Variants in ZFAND3 observed in about 807,000 individuals in gnomAD.
The protein encoded by ZFAND3 is zinc finger AN1-type containing 3, also known as AN1-type zinc finger protein 3.
A neutral mutation model predicts 29.6 loss-of-function variants in ZFAND3; 10 were observed. The ratio of observed to expected loss-of-function variants is 0.34; its 90% confidence interval spans 0.21 to 0.57. The LOEUF is 0.57. Ranked by LOEUF, ZFAND3 falls within the 20% of genes least tolerant of loss-of-function variation. The pLI is 0.86. For synonymous variants in ZFAND3, 128 were observed against 112.6 expected (o/e 1.14, Z -0.87); for missense variants, 230 against 304.5 (o/e 0.76, Z 1.82).
chr6:38,067,728 TTTG>T (rs1764374829), intron 3 of ZFAND3, among the ~76,000 whole-genome samples: 1 of 152,156 alleles, frequency 6.6e-6, no homozygotes, highest in African/African-American at 2.4e-5. Flanking sequence ...AATCAGTTGT[TTTG>T]TTGTTCTCAA....
chr6:37,903,385 A>G (rs980369038), intron 1 of ZFAND3, among the ~76,000 whole-genome samples: 3 of 152,174 alleles, frequency 2.0e-5, no homozygotes, highest in Admixed American at 2.0e-4. Context: ...GTTTATCACT[A>G]ATTTACTGGT....
At chr6:37,959,439 G>A (rs1762156674) in intron 2 of ZFAND3, among the ~76,000 whole-genome samples, 1 of 152,164 alleles carries the variant, frequency 6.6e-6, no homozygotes, top group Admixed American at 6.5e-5. Context: ...GTCAAGAATG[G>A]ATTTTCACTT....
intron 5 of ZFAND3, among the ~76,000 whole-genome samples, chr6:38,130,439 G>C (rs1347760242): frequency 3.3e-5 from 5 of 152,136 alleles, no homozygotes; most frequent in Non-Finnish European, 7.3e-5. Flanking sequence ...TATTTTGTTG[G>C]CTGCAGGCTT....
At chr6:38,091,854 C>T (rs1281663355) in intron 4 of ZFAND3, among the ~76,000 whole-genome samples, 1 of 151,384 alleles carries the variant, frequency 6.6e-6, no homozygotes, top group African/African-American at 2.4e-5. Flanking sequence ...CAATTATAAA[C>T]AGGATAAAGT....
chr6:37,922,652 A>G (rs755235148), intron 1 of ZFAND3, among the ~76,000 whole-genome samples: 6 of 152,166 alleles, frequency 3.9e-5, no homozygotes, highest in South Asian at 2.1e-4. Flanking sequence ...CACCTACACT[A>G]TATGGTATAG....
intron 2 of ZFAND3, among the ~76,000 whole-genome samples, chr6:37,975,198 T>C (rs1762458188): frequency 6.6e-6 from 1 of 152,228 alleles, no homozygotes; most frequent in Admixed American, 6.5e-5. Flanking sequence ...TGTGTACTGA[T>C]TCCTCATTAT....
intron 1 of ZFAND3, among the ~76,000 whole-genome samples, chr6:37,871,693 G>A (rs144175401): frequency 6.6e-6 from 1 of 152,206 alleles, no homozygotes; most frequent in East Asian, 1.9e-4. Flanking sequence ...ACACATTCAG[G>A]TTATCATAGT....
chr6:38,058,468 GC>G (rs1355975638), intron 2 of ZFAND3, among the ~76,000 whole-genome samples: 1 of 152,188 alleles, frequency 6.6e-6, no homozygotes, highest in African/African-American at 2.4e-5. Context: ...GAGATAATAA[GC>G]CATTTTTAAA....
chr6:38,070,336 A>C (rs554670304), intron 3 of ZFAND3, among the ~76,000 whole-genome samples: 1 of 152,052 alleles, frequency 6.6e-6, no homozygotes, highest in Admixed American at 6.5e-5. Context: ...AGGCAGGAGA[A>C]TCGCTTGAAC....
Position 38,021,245 on chromosome 6 carries a change from G to A in ZFAND3, c.113-40348G>A, listed in dbSNP as rs551482171. 1.3e-3 allele frequency among the ~76,000 whole-genome samples: 205 copies of A among 152,308 alleles called. 1 individual carries two copies. The highest frequency in any genetic ancestry group is 4.6e-3 in the African/African-American group (192 of 41,568). ...TAGAGCAAACATTATCCCAGCTGCC[G>A]CGATAAGTAATGTGGAGAAGATTAA... On this transcript the variant is annotated intron_variant, in intron 2 of 5. Transcript: ENST00000287218.
intron 5 of ZFAND3, among the ~76,000 whole-genome samples, chr6:38,138,318 T>C (rs1451527893): frequency 6.6e-6 from 1 of 152,198 alleles, no homozygotes; most frequent in African/African-American, 2.4e-5. Flanking sequence ...TTCTGCTAAA[T>C]ATCATTTTAT....
intron 2 of ZFAND3, among the ~76,000 whole-genome samples, chr6:37,954,690 A>G (rs746278694): frequency 1.1e-4 from 17 of 152,102 alleles, no homozygotes; most frequent in South Asian, 2.1e-4. Flanking sequence ...GTCTCGTTGC[A>G]TTGGATATTT....
In ZFAND3 at chr6:38,153,387, G is replaced by A; in HGVS notation, c.*998G>A. 1.0e-6 allele frequency: 1 copy of A among 985,528 alleles called. No homozygotes were observed. Among genetic ancestry groups the A allele is most frequent in the Non-Finnish European group, 1.2e-6 (1 of 829,968 alleles). The allele number at this position is 985,528 out of a possible 1,614,324, so 61.0% of individuals were successfully genotyped here. A position where few individuals can be genotyped will look rare whatever the true frequency, so the allele number is the denominator to read the frequency against. The stretch of plus-strand genomic sequence containing the variant: ...GCTGGAGCCGCCCGTGCCTCCAGGG[G>A]CCAAGAGGATGATGTCGTGGCCTCC... On this transcript the variant is annotated 3_prime_UTR_variant, in exon 6 of 6. Coordinates refer to ENST00000287218, the MANE Select transcript of ZFAND3 (RefSeq NM_021943.3).
At chr6:37,867,570 A>G (rs919062538) in intron 1 of ZFAND3, among the ~76,000 whole-genome samples, 1 of 152,184 alleles carries the variant, frequency 6.6e-6, no homozygotes, top group African/African-American at 2.4e-5. Flanking sequence ...ATGGGTCCTT[A>G]ATGTGGGTTT....
chr6:38,138,206 G>A (rs1765879893), intron 5 of ZFAND3, among the ~76,000 whole-genome samples: 2 of 152,142 alleles, frequency 1.3e-5, no homozygotes, highest in African/African-American at 4.8e-5. Context: ...ACATGCTTGT[G>A]TATGCACAGA....
At chr6:38,131,210 C>T (rs1461885365) in intron 5 of ZFAND3, among the ~76,000 whole-genome samples, 1 of 152,052 alleles carries the variant, frequency 6.6e-6, no homozygotes, top group East Asian at 1.9e-4. Context: ...CTTAGTTAAT[C>T]TTGTTAATGG....
At chr6:37,942,790 G>A (rs1761834685) in intron 2 of ZFAND3, among the ~76,000 whole-genome samples, 1 of 152,088 alleles carries the variant, frequency 6.6e-6, no homozygotes, top group Non-Finnish European at 1.5e-5. Context: ...CACTTCATCA[G>A]TTACTTCTGT....
intron 1 of ZFAND3, among the ~76,000 whole-genome samples, chr6:37,858,754 A>T (rs1764428029): frequency 6.6e-6 from 1 of 152,252 alleles, no homozygotes; most frequent in Non-Finnish European, 1.5e-5. Flanking sequence ...TAAAAGGTTA[A>T]GATGTTTTTA....
intron 1 of ZFAND3, among the ~76,000 whole-genome samples, chr6:37,925,052 C>G (rs577590005): frequency 2.8e-4 from 42 of 151,948 alleles, no homozygotes; most frequent in Middle Eastern, 3.4e-3. Flanking sequence ...TAGGCATAGT[C>G]AGATCACAAG....
Sources: allele counts gnomAD v4.1 joint callset (sites outside exome capture counted in the v4.1 genomes callset), GRCh38; gene constraint gnomAD v4.1.1; transcripts MANE v1.5; gene names NCBI Gene and HGNC (gene_info 2026-07-23, HGNC 2026-07-21).